RAB18: variants seen among roughly 807,000 people sequenced by gnomAD.
RAB18 encodes the protein ras-related protein Rab-18.
RAB18 carries 10 observed loss-of-function variants against 28.5 expected under a neutral mutation model. The observed-to-expected ratio is 0.35, with a 90% CI of 0.22 to 0.60. The LOEUF is 0.60. Among genes scored for constraint, RAB18 ranks in the 20% least tolerant of loss-of-function variants. The pLI, the probability that RAB18 is intolerant of heterozygous loss-of-function variation, is 0.78. For synonymous variants in RAB18, 93 were observed against 86.9 expected, an observed-to-expected ratio of 1.07 and a Z score of -0.39; for missense variants, 188 against 244.2, an observed-to-expected ratio of 0.77 and a Z score of 1.53.
chr10:27,516,650 A>G (rs187491535), intron 2 of RAB18, among the ~76,000 whole-genome samples: 29 of 152,294 alleles, frequency 1.9e-4, no homozygotes, highest in African/African-American at 7.0e-4. Context: ...CTGGGGCTAA[A>G]TCCAGCCTCC....
At chr10:27,524,388 A>G (rs937673184) in intron 2 of RAB18, among the ~76,000 whole-genome samples, 3 of 152,222 alleles carry the variant, frequency 2.0e-5, no homozygotes, top group Admixed American at 2.0e-4. Context: ...TTCTGCTTCC[A>G]TTAATATCTT....
intron 2 of RAB18, among the ~76,000 whole-genome samples, chr10:27,512,958 T>C (rs779926693): frequency 6.6e-6 from 1 of 151,450 alleles, no homozygotes; most frequent in African/African-American, 2.4e-5. Flanking sequence ...CTTGAATATG[T>C]TGAACAAAAT....
chr10:27,526,479 A>G (rs868639079), intron 2 of RAB18, among the ~76,000 whole-genome samples: 1 of 152,196 alleles, frequency 6.6e-6, no homozygotes, highest in Non-Finnish European at 1.5e-5. Flanking sequence ...CATGACCCAC[A>G]GTCAGCCATG....
At position 27,538,454 on chromosome 10, in the gene RAB18, A is replaced by G. The variant is rs1369270180; in HGVS notation, c.*403A>G. 2.2e-6 allele frequency: 1 copy of G among 455,312 alleles called. No individual in the cohort carries two copies. The highest frequency in any genetic ancestry group is 4.4e-6 in the Non-Finnish European group (1 of 227,458). The allele number at this position is 455,312 out of a possible 1,614,324, so 28.2% of individuals were successfully genotyped here. A position where few individuals can be genotyped will look rare whatever the true frequency, so the allele number is the denominator to read the frequency against. On this transcript the variant is annotated 3_prime_UTR_variant, in exon 7 of 7. Transcript: ENST00000356940. ...AACTCCTAGCACCACGGGGAAGAAT[A>G]GAGGTATCATCAAACGTGGCAAATT...
intron 2 of RAB18, among the ~76,000 whole-genome samples, chr10:27,523,935 C>T (rs1009683945): frequency 1.3e-4 from 19 of 151,114 alleles, no homozygotes; most frequent in African/African-American, 3.4e-4. Context: ...AAAAATTAGC[C>T]GGGCGTGGTG....
At chr10:27,535,594 AAAAG>A (rs1190558360) in intron 6 of RAB18, among the ~76,000 whole-genome samples, 1 of 152,220 alleles carries the variant, frequency 6.6e-6, no homozygotes, top group Non-Finnish European at 1.5e-5. Context: ...TGATACTCTA[AAAAG>A]ATCCTGTTGT....
chr10:27,521,461 T>G (rs1834551533), intron 2 of RAB18, among the ~76,000 whole-genome samples: 1 of 152,112 alleles, frequency 6.6e-6, no homozygotes, highest in Non-Finnish European at 1.5e-5. Context: ...CAAATGCCCA[T>G]CAATCAATGA....
At position 27,540,449 on chromosome 10, in the gene RAB18, A is replaced by C. The variant is rs1047119739; in HGVS notation, c.*2398A>C. On this transcript the variant is annotated 3_prime_UTR_variant, in exon 7 of 7. Transcript: ENST00000356940. ...TTACCAGCTTTTTGTAACACAACCA[A>C]GTTAAGGCAGTTCCACTATTTCTTT... is the stretch of plus-strand genomic sequence containing the variant. 2.0e-5 allele frequency: 9 copies of C among 453,966 alleles called. No individual in the cohort carries two copies. Among genetic ancestry groups the C allele is most frequent in the African/African-American group, 1.8e-4 (9 of 50,002 alleles). The allele number at this position is 453,966 out of a possible 1,614,324, so 28.1% of individuals were successfully genotyped here. A position where few individuals can be genotyped will look rare whatever the true frequency, so the allele number is the denominator to read the frequency against.
At chr10:27,518,667 C>G (rs1410208107) in intron 2 of RAB18, among the ~76,000 whole-genome samples, 1 of 151,836 alleles carries the variant, frequency 6.6e-6, no homozygotes, top group East Asian at 1.9e-4. Context: ...GCATTTAAGT[C>G]TGTTATTAGA....
At chr10:27,523,533 G>A (rs932793635) in intron 2 of RAB18, among the ~76,000 whole-genome samples, 9 of 150,238 alleles carry the variant, frequency 6.0e-5, no homozygotes, top group Admixed American at 1.3e-4. Context: ...CACATTCACT[G>A]ATGTTTTCTT....
chr10:27,527,616 TA>T (rs1406139874), intron 3 of RAB18, among the ~76,000 whole-genome samples: 1 of 151,736 alleles, frequency 6.6e-6, no homozygotes, highest in Non-Finnish European at 1.5e-5. Context: ...TATACTGTTT[TA>T]TATATCTATT....
chr10:27,540,876 A>AG lies in RAB18; in HGVS notation c.*2828dup. ...GGTCAAGAGACATGATTCTCTACTA[A>AG]GGGTGGGGCTAGCACCATAGCTCAT... On this transcript the variant is annotated 3_prime_UTR_variant, in exon 7 of 7. Transcript: ENST00000356940. The AG allele has an allele frequency of 2.2e-6, 1 of 454,062 alleles. No homozygotes were observed. Among genetic ancestry groups the AG allele is most frequent in the South Asian group, 1.6e-5 (1 of 64,474 alleles). 28.1% of individuals were successfully genotyped at this position (454,062 alleles called of 1,614,324 possible). A position where few individuals can be genotyped will look rare whatever the true frequency, so the allele number is the denominator to read the frequency against.
At chr10:27,509,256 AAGCCTCCAGT>A (rs997537231) in intron 1 of RAB18, among the ~76,000 whole-genome samples, 16 of 152,132 alleles carry the variant, frequency 1.1e-4, no homozygotes, top group Non-Finnish European at 8.8e-5. Context: ...CTTTCTTTAA[AAGCCTCCAGT>A]AGCCTCCAGT....
chr10:27,508,036 AG>A (rs200965482), intron 1 of RAB18, among the ~76,000 whole-genome samples: 8,726 of 148,302 alleles, frequency 0.059, 276 homozygotes, highest in Middle Eastern at 0.081. Context: ...AAAAAAAAAA[AG>A]TGTGCTTCTT....
At chr10:27,526,131 C>G (rs1233598876) in intron 2 of RAB18, among the ~76,000 whole-genome samples, 1 of 152,068 alleles carries the variant, frequency 6.6e-6, no homozygotes, top group African/African-American at 2.4e-5. Context: ...AAACTCTTTT[C>G]TTTACATAAA....
rs1429871220 is a variant in RAB18, at chr10:27,538,006, A to G, written c.576A>G (p.Glu192=). The G allele has an allele frequency of 4.3e-6, 7 of 1,614,046 alleles. No homozygotes were observed. The highest frequency in any genetic ancestry group is 5.9e-6 in the Non-Finnish European group (7 of 1,180,018). Residue 192 remains glutamate, a synonymous_variant, in exon 7 of 7, where the codon GAA becomes GAG. Coordinates refer to ENST00000356940, the MANE Select transcript of RAB18 (RefSeq NM_021252.5). ...NKGVKLSHRE[E]GQGGGACGGY... is the part of the protein sequence containing the mutation. The stretch of plus-strand genomic sequence containing the variant: ...GAGTCAAACTGTCACACAGGGAAGA[A>G]GGCCAAGGAGGAGGAGCCTGTGGTG...
chr10:27,504,620 C>G (rs1232375169), intron 1 of RAB18, 183 bp downstream of exon 1: 14 of 779,194 alleles, frequency 1.8e-5, no homozygotes, highest in Non-Finnish European at 2.9e-5. Flanking sequence ...TCCCCACCCG[C>G]GCCTGCCTGG....
chr10:27,516,563 GA>G lies in RAB18; in HGVS notation c.124+6646del, dbSNP rs762591500. On this transcript the variant is annotated intron_variant, in intron 2 of 6. Transcript: ENST00000356940. ...ACAGAGAGAGACTCCATCTCAAAAA[GA>G]AAAAAAAAAAAAGAGAGAAATCTTT... 7.3e-3 allele frequency among the ~76,000 whole-genome samples: 890 copies of G among 121,338 alleles called. 6 individuals are homozygous for G. Among genetic ancestry groups the G allele is most frequent in the African/African-American group, 0.021 (724 of 34,318 alleles). The allele number at this position is 121,338 out of a possible 152,430, so 79.6% of individuals were successfully genotyped here.
chr10:27,513,604 T>C (rs1834371397), intron 2 of RAB18, among the ~76,000 whole-genome samples: 1 of 152,136 alleles, frequency 6.6e-6, no homozygotes, highest in Non-Finnish European at 1.5e-5. Flanking sequence ...AGGGAAAAAC[T>C]GACACACAAA....
Sources: allele counts gnomAD v4.1 joint callset (sites outside exome capture counted in the v4.1 genomes callset), GRCh38; gene constraint gnomAD v4.1.1; transcripts MANE v1.5; gene names NCBI Gene and HGNC (gene_info 2026-07-23, HGNC 2026-07-21).